Variants in TOP1 observed in about 807,000 individuals in gnomAD.
TOP1 encodes DNA topoisomerase 1.
A neutral mutation model predicts 111.1 loss-of-function variants in TOP1; 10 were observed. The observed-to-expected ratio is 0.09, with a 90% CI of 0.06 to 0.15. The LOEUF is 0.15. TOP1 is among the 10% of genes least tolerant of loss of function. TOP1 has a pLI of 1.00. For synonymous variants in TOP1, 271 were observed against 302.9 expected, an observed-to-expected ratio of 0.89 and a Z score of 1.10; for missense variants, 474 against 926.7, an observed-to-expected ratio of 0.51 and a Z score of 6.34.
Position 41,109,493 on chromosome 20 carries a change from A to G in TOP1, c.1309-3289A>G, listed in dbSNP as rs1358162581. ...CATTAAAATTAAAAATTTATGTTCA[A>G]CAAAAGACACTGCTAAAATAAATAC... On this transcript the variant is annotated intron_variant, in intron 13 of 20. Coordinates refer to ENST00000361337, the MANE Select transcript of TOP1 (RefSeq NM_003286.4). This position sits in a 1 kb window ranked among gnomAD's most constrained non-coding sequence, Gnocchi z 4.1. Among the ~76,000 whole-genome samples, 1 of 152,204 alleles carries G rather than the reference A, an allele frequency of 6.6e-6. No individual in the cohort carries two copies. The highest frequency in any genetic ancestry group is 1.5e-5 in the Non-Finnish European group (1 of 68,046).
chr20:41,076,349 T>G, intron 4 of TOP1, 55 bp downstream of exon 4: 1 of 1,553,566 alleles, frequency 6.4e-7, no homozygotes, highest in Non-Finnish European at 8.7e-7. Flanking sequence ...TTGTTTACCT[T>G]TGAAAGCAGA....
Position 41,029,535 on chromosome 20 carries a change from G to A in TOP1, c.58+80G>A, listed in dbSNP as rs2122578713. On this transcript the variant is annotated intron_variant, in intron 2 of 20. Transcript: ENST00000361337. This position sits in a 1 kb window ranked among gnomAD's most constrained non-coding sequence, Gnocchi z 6.1. Reference sequence around the variant, plus strand: ...CCGCGCCCTGCCGGTGCCGGGCAGAGGACAGACATGGCGTCCCAGAGACTA... The same window carrying A: ...CCGCGCCCTGCCGGTGCCGGGCAGAAGACAGACATGGCGTCCCAGAGACTA... The A allele has an allele frequency of 1.8e-6, 2 of 1,130,936 alleles. No homozygotes were observed. Among genetic ancestry groups the A allele is most frequent in the Non-Finnish European group, 2.6e-6 (2 of 770,206 alleles). 70.1% of individuals were successfully genotyped at this position (1,130,936 alleles called of 1,614,324 possible).
rs1303100701 is a variant in TOP1, at chr20:41,071,384, C to G, written c.156-4787C>G. Among the ~76,000 whole-genome samples the G allele has an allele frequency of 6.6e-6, 1 of 150,896 alleles. No homozygotes were observed. Among genetic ancestry groups the G allele is most frequent in the East Asian group, 1.9e-4 (1 of 5,142 alleles). On this transcript the variant is annotated intron_variant, in intron 3 of 20. Transcript: ENST00000361337. This position sits in a 1 kb window ranked among gnomAD's most constrained non-coding sequence, Gnocchi z 4.3. Reference sequence around the variant, plus strand: ...TTTTTGAGATGGAGCCTCAGTCTATCGCCAGGCTGGAGTGCAGTGGCGTGA... The same window carrying G: ...TTTTTGAGATGGAGCCTCAGTCTATGGCCAGGCTGGAGTGCAGTGGCGTGA...
At chr20:41,063,359 A>T (rs1249964386) in intron 3 of TOP1, among the ~76,000 whole-genome samples, 1 of 152,220 alleles carries the variant, frequency 6.6e-6, no homozygotes, top group African/African-American at 2.4e-5. Context: ...ACCTAGGTTG[A>T]TTCCATGTCT....
In TOP1 at chr20:41,028,855, G is replaced by C. The variant is rs941355927; in HGVS notation, c.-213G>C. The C allele has an allele frequency of 5.5e-6, 3 of 547,640 alleles. No individual in the cohort carries two copies. The highest frequency in any genetic ancestry group is 3.5e-5 in the East Asian group (1 of 28,866). The allele number at this position is 547,640 out of a possible 1,614,324, so 33.9% of individuals were successfully genotyped here. A position where few individuals can be genotyped will look rare whatever the true frequency, so the allele number is the denominator to read the frequency against. On this transcript the variant is annotated 5_prime_UTR_variant, in exon 1 of 21. Transcript: ENST00000361337. ...AACTTAGGCTGTTACACAACTGCTG[G>C]GGTCTGTTCTCGCCGCCCGCCCGGC... is the stretch of plus-strand genomic sequence containing the variant.
rs2033947918 is a variant in TOP1 at position 41,093,720 on chromosome 20, G to A, written c.730+1133G>A. On this transcript the variant is annotated intron_variant, in intron 9 of 20. Coordinates refer to ENST00000361337, the MANE Select transcript of TOP1 (RefSeq NM_003286.4). ...TTGAGAAACACTGGGCAGGATAACTGCTGAAAAGCATCAGTGGTGAACACT... is the reference window on the plus strand; with the variant it reads ...TTGAGAAACACTGGGCAGGATAACTACTGAAAAGCATCAGTGGTGAACACT... Among the ~76,000 whole-genome samples, 3 of 152,200 alleles carry A rather than the reference G, an allele frequency of 2.0e-5. No homozygotes were observed. In the South Asian group the frequency reaches 6.2e-4, roughly 31 times the overall value.
chr20:41,092,732 C>T lies in TOP1; in HGVS notation c.730+145C>T, dbSNP rs2033934435. The stretch of plus-strand genomic sequence containing the variant: ...TTGCCATGCAATTTTGAGGAAGGGG[C>T]ATCAGGTGTTAACTCTTAAAGGCTC... On this transcript the variant is annotated intron_variant, in intron 9 of 20. Transcript: ENST00000361337. The surrounding 1 kb of genome is among the most constrained non-coding windows in gnomAD (Gnocchi z 4.3). 1.8e-6 allele frequency: 1 copy of T among 543,986 alleles called. No homozygotes were observed. The highest frequency in any genetic ancestry group is 3.5e-5 in the Admixed American group (1 of 28,234). The allele number at this position is 543,986 out of a possible 1,614,324, so 33.7% of individuals were successfully genotyped here.
rs539539172 is a variant in TOP1, at chr20:41,092,811, T to G, written c.730+224T>G. On this transcript the variant is annotated intron_variant, in intron 9 of 20. Transcript: ENST00000361337. This position sits in a 1 kb window ranked among gnomAD's most constrained non-coding sequence, Gnocchi z 4.3. ...AGGGGCTATTCATGTCTTCCCTACA[T>G]AGTCCAAAAAAGGTTTGTCAACATG... is the stretch of plus-strand genomic sequence containing the variant. Among the ~76,000 whole-genome samples, 28 of 152,290 alleles carry G rather than the reference T, an allele frequency of 1.8e-4. No homozygotes were observed. Among genetic ancestry groups the G allele is most frequent in the African/African-American group, 6.5e-4 (27 of 41,580 alleles).
rs972297108 is a variant in TOP1, at chr20:41,068,472, T to G, written c.155+6982T>G. Reference sequence around the variant, plus strand: ...CTAAGCTTGGGCGCGGTGGTGTGATTATAGCTCACTGCAGCCTCCCTGGGC... The same window carrying G: ...CTAAGCTTGGGCGCGGTGGTGTGATGATAGCTCACTGCAGCCTCCCTGGGC... On this transcript the variant is annotated intron_variant, in intron 3 of 20. Coordinates refer to ENST00000361337, the MANE Select transcript of TOP1 (RefSeq NM_003286.4). Among the ~76,000 whole-genome samples the G allele has an allele frequency of 5.3e-5, 8 of 152,270 alleles. No homozygotes were observed. In the East Asian group the frequency reaches 1.4e-3, roughly 26 times the overall value.
intron 2 of TOP1, among the ~76,000 whole-genome samples, chr20:41,042,872 G>A (rs952951495): frequency 4.6e-5 from 7 of 152,260 alleles, no homozygotes; most frequent in Admixed American, 3.9e-4. Context: ...TAAGAAAATT[G>A]TAAGGAAGAG....
intron 8 of TOP1, among the ~76,000 whole-genome samples, chr20:41,089,973 C>T (rs556832217): frequency 2.6e-5 from 4 of 152,030 alleles, no homozygotes; most frequent in South Asian, 2.1e-4. Flanking sequence ...CCCACCCCCA[C>T]GTGTTTTTTT....
chr20:41,100,517 A>G lies in TOP1; in HGVS notation c.1163+274A>G, dbSNP rs1568698031. On this transcript the variant is annotated intron_variant, in intron 12 of 20. Transcript: ENST00000361337. The surrounding 1 kb of genome is among the most constrained non-coding windows in gnomAD (Gnocchi z 4.4). ...TTTCTGTTGATGTCTTCCACCCCCA[A>G]ATTTAATGTCTTTTCCATGTTTATT... The G allele has an allele frequency of 1.8e-5, 6 of 332,358 alleles. No individual in the cohort carries two copies. The highest frequency in any genetic ancestry group is 3.3e-5 in the Non-Finnish European group (6 of 182,542). 20.6% of individuals were successfully genotyped at this position (332,358 alleles called of 1,614,324 possible).
chr20:41,074,793 G>C lies in TOP1; in HGVS notation c.156-1378G>C, dbSNP rs77199637. Among the ~76,000 whole-genome samples the C allele has an allele frequency of 8.0e-3, 1,213 of 152,258 alleles. 14 individuals carry two copies. Among genetic ancestry groups the C allele is most frequent in the African/African-American group, 0.028 (1,148 of 41,548 alleles). ...GCCTAATGAGCTCATTGCTGATGAA[G>C]TCTTTTTTTCCTGTGCATTGGTTAG... On this transcript the variant is annotated intron_variant, in intron 3 of 20. Coordinates refer to ENST00000361337, the MANE Select transcript of TOP1 (RefSeq NM_003286.4).
intron 2 of TOP1, among the ~76,000 whole-genome samples, chr20:41,037,825 C>T (rs542664171): frequency 5.3e-5 from 8 of 152,224 alleles, no homozygotes; most frequent in South Asian, 4.1e-4. Flanking sequence ...AGAGATCTTA[C>T]GCCATTCAGC....
intron 14 of TOP1, 25 bp from the exon 15 acceptor site, chr20:41,113,945 C>T (rs2145965717): frequency 1.3e-6 from 2 of 1,574,210 alleles, no homozygotes; most frequent in Non-Finnish European, 1.7e-6. Context: ...CATTCATGCT[C>T]ATCTTTTCTT....
At chr20:41,117,598 G>A (rs1403821890) in intron 17 of TOP1, among the ~76,000 whole-genome samples, 1 of 151,738 alleles carries the variant, frequency 6.6e-6, no homozygotes, top group Non-Finnish European at 1.5e-5. Context: ...TGTTAGCCAG[G>A]ATGGTCTCGA....
chr20:41,092,498 G>A lies in TOP1; in HGVS notation c.641G>A (p.Gly214Asp). 1.2e-6 allele frequency: 2 copies of A among 1,601,280 alleles called. No homozygotes were observed. The highest frequency in any genetic ancestry group is 2.2e-5 in the East Asian group (1 of 44,676). The change falls in exon 9 of 21, where the codon GGC (glycine) becomes GAC (aspartate). Residue 214 changes from glycine (G) to aspartate (D), a missense_variant. By Grantham distance (94) the Gly-to-Asp change is moderately conservative. Coordinates refer to ENST00000361337, the MANE Select transcript of TOP1 (RefSeq NM_003286.4). This position sits in a 1 kb window ranked among gnomAD's most constrained non-coding sequence, Gnocchi z 4.3. ...KWWEEERYPE[G>D]IKWKFLEHKG... Reference sequence around the variant, plus strand: ...TGGGAAGAAGAGCGCTATCCTGAAGGCATCAAGTGGAAATTCCTAGAACAT... The same window carrying A: ...TGGGAAGAAGAGCGCTATCCTGAAGACATCAAGTGGAAATTCCTAGAACAT...
At chr20:41,076,393 G>A (rs2033727749) in intron 4 of TOP1, 99 bp downstream of exon 4, 1 of 1,456,894 alleles carries the variant, frequency 6.9e-7, no homozygotes, top group East Asian at 2.4e-5. Context: ...CCTTGGTCTT[G>A]AAGTGAAAGG....
chr20:41,065,741 T>C (rs553853121), intron 3 of TOP1, among the ~76,000 whole-genome samples: 8 of 152,340 alleles, frequency 5.3e-5, no homozygotes, highest in South Asian at 4.1e-4. Flanking sequence ...AGAAATTCAT[T>C]CTTTTTTATG....
Sources: gnomAD v4.1 joint callset for allele counts (sites outside exome capture counted in the v4.1 genomes callset) on GRCh38, gnomAD v4.1.1 for gene constraint, Gnocchi (gnomAD v3.1) non-coding constraint, MANE v1.5 for transcripts, NCBI Gene and HGNC (gene_info 2026-07-23, HGNC 2026-07-21) for gene names.